Variants in BRAF observed in about 807,000 individuals in gnomAD.
The protein encoded by BRAF is serine/threonine-protein kinase B-raf.
Under a neutral mutation model 104.6 loss-of-function variants are expected in BRAF, and 16 were observed. The observed-to-expected ratio is 0.15, with a 90% CI of 0.10 to 0.23. The LOEUF (loss-of-function observed/expected upper bound fraction) is 0.23. BRAF is among the 10% of genes least tolerant of loss of function. The pLI is 1.00. For synonymous variants in BRAF, 310 were observed against 341.6 expected (o/e 0.91, Z 1.02); for missense variants, 541 against 937.3 (o/e 0.58, Z 5.52).
At chr7:140,884,429 ATGTGTGTGTGTGTGTGTGTGTGTGTG>A (rs71170770) in intron 1 of BRAF, among the ~76,000 whole-genome samples, 4 of 127,462 alleles carry the variant, frequency 3.1e-5, no homozygotes, top group Admixed American at 8.2e-5. Flanking sequence ...TATATAAGAT[ATGTGTGTGTGTGTGTGTGTGTGTGTG>A]TGTGTGTGTG....
At chr7:140,728,963 C>G (rs919243008) in intron 19 of BRAF, among the ~76,000 whole-genome samples, 1 of 151,436 alleles carries the variant, frequency 6.6e-6, no homozygotes, top group African/African-American at 2.4e-5. Flanking sequence ...CAGTGGTTCA[C>G]GCCTATAATC....
In BRAF at chr7:140,815,953, T is replaced by C. The variant is rs188735504; in HGVS notation, c.505-6958A>G. On this transcript the variant is annotated intron_variant, in intron 3 of 19. Transcript: ENST00000644969. Reference sequence around the variant, plus strand: ...GTGACATTTTTTACTGCTAAATTGCTGTCCCAATCAAATCAAAATAAAAAT... The same window carrying C: ...GTGACATTTTTTACTGCTAAATTGCCGTCCCAATCAAATCAAAATAAAAAT... Among the ~76,000 whole-genome samples the C allele has an allele frequency of 1.1e-4, 16 of 152,326 alleles. No homozygotes were observed. In the South Asian group the frequency reaches 1.4e-3, roughly 14 times the overall value.
chr7:140,760,374 T>C (rs770278934), intron 14 of BRAF, among the ~76,000 whole-genome samples: 10 of 149,780 alleles, frequency 6.7e-5, no homozygotes, highest in Non-Finnish European at 1.2e-4. Flanking sequence ...GATCATGCCA[T>C]TGTACTCCAG....
chr7:140,788,650 G>A (rs1023397506), intron 8 of BRAF, among the ~76,000 whole-genome samples: 6 of 151,966 alleles, frequency 3.9e-5, no homozygotes, highest in Non-Finnish European at 7.4e-5. Flanking sequence ...GTGCAGTGGC[G>A]TGATCTTGGC....
chr7:140,865,272 G>T (rs1397786134), intron 1 of BRAF, among the ~76,000 whole-genome samples: 1 of 152,040 alleles, frequency 6.6e-6, no homozygotes, highest in Non-Finnish European at 1.5e-5. Context: ...TAGAAACGGG[G>T]TTTCACCATG....
chr7:140,739,735 T>C lies in BRAF; in HGVS notation c.2247+77A>G. ...ATCCAAACTCATGAAATACACACTGTGTGCCCAAAAAAGTGCTCAGAAATC... is the reference window on the plus strand; with the variant it reads ...ATCCAAACTCATGAAATACACACTGCGTGCCCAAAAAAGTGCTCAGAAATC... On this transcript the variant is annotated intron_variant, in intron 18 of 19. Transcript: ENST00000644969. 4 of 1,543,622 alleles carry C rather than the reference T, an allele frequency of 2.6e-6. No individual in the cohort carries two copies. The South Asian group carries it at 4.5e-5, about 17-fold the overall frequency.
chr7:140,727,332 C>G (rs1052886964), intron 19 of BRAF, among the ~76,000 whole-genome samples: 1 of 151,484 alleles, frequency 6.6e-6, no homozygotes, highest in African/African-American at 2.4e-5. Context: ...TACAGGCATC[C>G]GCCACCAGGC....
In BRAF at chr7:140,924,708, T is replaced by C. The variant is rs71645936; in HGVS notation, c.-5A>G. 312 of 977,068 alleles carry C rather than the reference T, an allele frequency of 3.2e-4. 1 individual carries two copies. The East Asian group carries it at 8.6e-3, about 27-fold the overall frequency. The allele number at this position is 977,068 out of a possible 1,614,324, so 60.5% of individuals were successfully genotyped here. On this transcript the variant is annotated 5_prime_UTR_variant, in exon 1 of 20. Transcript: ENST00000644969. The surrounding 1 kb of genome is among the most constrained non-coding windows in gnomAD (Gnocchi z 4.2). ...GCCACCGCTCAGCGCCGCCATCTTATAACCGAGAGCCGGGGCCCGAGCGGC... is the reference window on the plus strand; with the variant it reads ...GCCACCGCTCAGCGCCGCCATCTTACAACCGAGAGCCGGGGCCCGAGCGGC...
At chr7:140,853,479 T>A (rs937159169) in intron 1 of BRAF, among the ~76,000 whole-genome samples, 11 of 152,178 alleles carry the variant, frequency 7.2e-5, no homozygotes, top group African/African-American at 2.7e-4. Flanking sequence ...CTGCTATTTG[T>A]CTAGCTTCAT....
intron 2 of BRAF, among the ~76,000 whole-genome samples, chr7:140,844,268 A>C (rs1361617385): frequency 6.6e-6 from 1 of 152,084 alleles, no homozygotes; most frequent in Non-Finnish European, 1.5e-5. Context: ...AAATAAAAAT[A>C]AATTTCTGGC....
At chr7:140,753,190 T>G (rs1455573862) in intron 16 of BRAF, 85 bp downstream of exon 15, 2 of 940,596 alleles carry the variant, frequency 2.1e-6, no homozygotes, top group Non-Finnish European at 3.5e-6. Context: ...AATACTATAG[T>G]TGAGACCTTC....
At chr7:140,882,009 A>C (rs1347288680) in intron 1 of BRAF, among the ~76,000 whole-genome samples, 4 of 152,228 alleles carry the variant, frequency 2.6e-5, no homozygotes, top group Non-Finnish European at 5.9e-5. Context: ...AGAGACACAA[A>C]GTGAGCATGT....
chr7:140,716,864 A>G (rs1156965133), downstream of BRAF, among the ~76,000 whole-genome samples: 1 of 152,214 alleles, frequency 6.6e-6, no homozygotes, highest in East Asian at 1.9e-4. Flanking sequence ...CCCTAGAACT[A>G]TTTTATAGAA....
rs1797981542 is a variant in BRAF at position 140,753,803 on chromosome 7, T to G, written c.1861+384A>C. 3 of 315,114 alleles carry G rather than the reference T, an allele frequency of 9.5e-6. No homozygotes were observed. The South Asian group carries it at 1.0e-4, about 11-fold the overall frequency. 19.5% of individuals were successfully genotyped at this position (315,114 alleles called of 1,614,324 possible). A position where few individuals can be genotyped will look rare whatever the true frequency, so the allele number is the denominator to read the frequency against. On this transcript the variant is annotated intron_variant, in intron 15 of 19. Transcript: ENST00000644969. ...GCACTTAGGGAAGAGAAATATTATG[T>G]TTTTCTCACCTCATTGTTATATAAT...
At chr7:140,768,267 TA>T (rs11305333) in intron 14 of BRAF, among the ~76,000 whole-genome samples, 146,110 of 152,268 alleles carry the variant, frequency 0.96, 70,179 homozygotes, top group East Asian at 1. Context: ...TTTGAAATTT[TA>T]AAAAAACTGC....
intron 3 of BRAF, among the ~76,000 whole-genome samples, chr7:140,811,902 T>C (rs907664830): frequency 7.2e-5 from 11 of 152,168 alleles, no homozygotes; most frequent in African/African-American, 9.7e-5. Flanking sequence ...TGAGAACTGG[T>C]TGTAACCTTT....
At chr7:140,795,199 G>A (rs559827221) in intron 7 of BRAF, among the ~76,000 whole-genome samples, 4 of 151,984 alleles carry the variant, frequency 2.6e-5, no homozygotes, top group Admixed American at 6.6e-5. Context: ...TACCTATTTC[G>A]GTATGGTAGC....
At chr7:140,903,575 C>T (rs6970121) in intron 1 of BRAF, among the ~76,000 whole-genome samples, 14,799 of 152,202 alleles carry the variant, frequency 0.097, 781 homozygotes, top group South Asian at 0.19. Flanking sequence ...ACCCATGGAT[C>T]AAGAAGTAAT....
intron 7 of BRAF, among the ~76,000 whole-genome samples, chr7:140,798,324 G>A (rs1343905848): frequency 1.4e-5 from 2 of 143,340 alleles, no homozygotes; most frequent in Non-Finnish European, 3.0e-5. Flanking sequence ...ATGCAGTGAC[G>A]TGATCTCGGC....
Sources: allele counts gnomAD v4.1 joint callset (sites outside exome capture counted in the v4.1 genomes callset), GRCh38; gene constraint gnomAD v4.1.1; non-coding constraint Gnocchi (gnomAD v3.1); transcripts MANE v1.5; gene names NCBI Gene and HGNC (gene_info 2026-07-23, HGNC 2026-07-21).